The following SLC44A2 variants were observed in gnomAD, a reference collection of about 807,000 sequenced individuals.
SLC44A2 encodes choline transporter-like protein 2.
In SLC44A2, 57 loss-of-function variants were observed where a neutral mutation model predicts 90.8. The observed-to-expected ratio is 0.63, with a 90% confidence interval of 0.51 to 0.78. The LOEUF (loss-of-function observed/expected upper bound fraction) is 0.78, where lower values mean the gene tolerates loss of function less well. Ranked by LOEUF, SLC44A2 falls within the 30% of genes least tolerant of loss-of-function variation. The pLI is 0.00. For synonymous variants in SLC44A2, 355 were observed against 360.7 expected, an observed-to-expected ratio of 0.98 and a Z score of 0.18; for missense variants, 794 against 919.7, an observed-to-expected ratio of 0.86 and a Z score of 1.77.
rs762552237 is a variant in SLC44A2 at position 10,636,422 on chromosome 19, C to T, written c.1333C>T (p.Leu445=). The T allele has an allele frequency of 3.1e-6, 5 of 1,613,996 alleles. No individual in the cohort carries two copies. The highest frequency in any genetic ancestry group is 4.2e-6 in the Non-Finnish European group (5 of 1,180,048). ...GGGCTACCACCGGGCCCTGCTGGGCCTGCAGATCTTCAATGCCTTCATGTT... is the reference window on the plus strand; with the variant it reads ...GGGCTACCACCGGGCCCTGCTGGGCTTGCAGATCTTCAATGCCTTCATGTT... ...ESGYHRALLG[L]QIFNAFMFFW... is the part of the protein sequence containing the mutation. The change falls in exon 15 of 22, where the codon CTG becomes TTG. Residue 445 remains leucine, a synonymous_variant. Transcript: ENST00000335757.
At chr19:10,642,576 C>G in intron 21 of SLC44A2, 125 bp downstream of exon 21, 1 of 930,496 alleles carries the variant, frequency 1.1e-6, no homozygotes, top group Non-Finnish European at 1.7e-6. Context: ...TTGGCTGTCC[C>G]TCGTCCTGGG....
At chr19:10,641,392 T>C (rs754384115) in intron 20 of SLC44A2, 1 of 434,736 alleles carries the variant, frequency 2.3e-6, no homozygotes, top group Admixed American at 2.6e-5. Context: ...AGACCCTGTC[T>C]CAAAAAAAAA....
At chr19:10,611,999 C>G (rs1185168620) in intron 1 of SLC44A2, among the ~76,000 whole-genome samples, 1 of 152,132 alleles carries the variant, frequency 6.6e-6, no homozygotes, top group Non-Finnish European at 1.5e-5. Flanking sequence ...TCAGAGGTAG[C>G]TCAGCCAAGA....
At chr19:10,625,477 G>C (rs953626142), upstream of SLC44A2, 5 of 1,218,028 alleles carry the variant, frequency 4.1e-6, no homozygotes, top group Admixed American at 8.6e-5. Context: ...CAGCTGCCCA[G>C]CTCGGGCCGG....
chr19:10,626,421 T>G, intron 2 of SLC44A2, 120 bp downstream of exon 2: 1 of 808,462 alleles, frequency 1.2e-6, no homozygotes. Flanking sequence ...ACTTTTTTTT[T>G]TTTTTGAGAT....
At chr19:10,614,991 A>G (rs966023128) in intron 1 of SLC44A2, among the ~76,000 whole-genome samples, 1 of 150,094 alleles carries the variant, frequency 6.7e-6, no homozygotes, top group African/African-American at 2.4e-5. Context: ...AAAAAAAAGA[A>G]GAAGAAAAGA....
In SLC44A2 at chr19:10,618,474, CTTTTT is replaced by C. The variant is rs3029799; in HGVS notation, c.32-7760_32-7756del. On this transcript the variant is annotated intron_variant, in intron 1 of 21. Transcript: ENST00000407327. Reference sequence around the variant, plus strand: ...ACAGGTGTAAGCCACTGCGCCCGGCCTTTTTTTTTTTTTTTTTTTTTTTGAGACGG... The same window carrying C: ...ACAGGTGTAAGCCACTGCGCCCGGCCTTTTTTTTTTTTTTTTTTGAGACGG... Among the ~76,000 whole-genome samples the C allele has an allele frequency of 5.5e-3, 482 of 87,302 alleles. 3 individuals are homozygous for C. The highest frequency in any genetic ancestry group is 0.011 in the Middle Eastern group (1 of 90). The allele number at this position is 87,302 out of a possible 152,430, so 57.3% of individuals were successfully genotyped here.
chr19:10,607,285 C>T (rs775678018), intron 1 of SLC44A2, among the ~76,000 whole-genome samples: 2 of 152,082 alleles, frequency 1.3e-5, no homozygotes, highest in South Asian at 2.1e-4. Context: ...AAAGATGTTA[C>T]GGCTTTGAGA....
chr19:10,625,804 A>G, intron 1 of SLC44A2, 134 bp downstream of exon 1: 1 of 772,906 alleles, frequency 1.3e-6, no homozygotes, highest in Non-Finnish European at 1.8e-6. Flanking sequence ...GAGCCTCCCC[A>G]CCATCAGCCA....
At chr19:10,625,311 C>T, upstream of SLC44A2, 1 of 409,988 alleles carries the variant, frequency 2.4e-6, no homozygotes. Flanking sequence ...TCAGGGTGGC[C>T]AGGGGTTCTA....
chr19:10,636,736 A>G lies in SLC44A2; in HGVS notation c.1571A>G (p.Tyr524Cys). ...CAGATCATCCGTGTGATACTCGAGT[A>G]CCTGGATCAGCGGCTGAAAGGTACG... ...IVQIIRVILE[Y>C]LDQRLKAAEN... Residue 524 changes from tyrosine to cysteine, a missense_variant, in exon 16 of 22, where the codon TAC becomes TGC. By Grantham distance (194) the Tyr-to-Cys change is radical. Coordinates refer to ENST00000335757, the MANE Select transcript of SLC44A2 (RefSeq NM_020428.4). The G allele has an allele frequency of 1.2e-6, 2 of 1,613,906 alleles. No homozygotes were observed. The highest frequency in any genetic ancestry group is 1.7e-6 in the Non-Finnish European group (2 of 1,179,900).
At chr19:10,624,252 T>C (rs2066912776), upstream of SLC44A2, among the ~76,000 whole-genome samples, 1 of 152,126 alleles carries the variant, frequency 6.6e-6, no homozygotes, top group Non-Finnish European at 1.5e-5. Flanking sequence ...CACCTCGGCC[T>C]CCCAAAGTGC....
intron 1 of SLC44A2, among the ~76,000 whole-genome samples, chr19:10,612,270 T>C (rs79983015): frequency 2.7e-5 from 4 of 150,672 alleles, no homozygotes; most frequent in Non-Finnish European, 5.9e-5. Context: ...CACTAGGGAG[T>C]CTGAGGCGGG....
At chr19:10,602,956 T>A (rs1034544184) in intron 1 of SLC44A2, among the ~76,000 whole-genome samples, 7 of 152,128 alleles carry the variant, frequency 4.6e-5, no homozygotes, top group African/African-American at 1.7e-4. Context: ...CCTCCTTCCC[T>A]TTTCCGCCAG....
chr19:10,609,835 C>A (rs1007807124), intron 1 of SLC44A2, among the ~76,000 whole-genome samples: 1 of 152,026 alleles, frequency 6.6e-6, no homozygotes, highest in Non-Finnish European at 1.5e-5. Context: ...GAGACAGAAT[C>A]TGTCTCTGTT....
intron 20 of SLC44A2, 113 bp from the exon 21 acceptor site, chr19:10,642,254 A>G (rs1052677514): frequency 1.2e-6 from 1 of 847,710 alleles, no homozygotes; most frequent in East Asian, 2.6e-5. Context: ...CACTAATCCA[A>G]AGAGGGTTTC....
At chr19:10,640,119 C>T (rs1252650469) in intron 20 of SLC44A2, among the ~76,000 whole-genome samples, 1 of 115,612 alleles carries the variant, frequency 8.6e-6, no homozygotes, top group Non-Finnish European at 1.6e-5. Flanking sequence ...GCGATAGAGC[C>T]TTGCTCTGTC....
rs79480754 is a variant in SLC44A2, at chr19:10,603,208, G to A, written c.31+647G>A. Among the ~76,000 whole-genome samples, 51 of 152,272 alleles carry A rather than the reference G, an allele frequency of 3.3e-4. 2 individuals carry two copies. The East Asian group carries it at 9.3e-3, about 28-fold the overall frequency. ...GGTGCTGGCGACTGGAACTTCCTCC[G>A]GCGAACCTCTTGGGGCGACCTCAGG... On this transcript the variant is annotated intron_variant, in intron 1 of 21. Coordinates refer to the SLC44A2 transcript ENST00000407327.
At chr19:10,642,321 T>C in intron 20 of SLC44A2, 46 bp from the exon 21 acceptor site, 1 of 1,556,106 alleles carries the variant, frequency 6.4e-7, no homozygotes, top group East Asian at 2.2e-5. Flanking sequence ...TGGGGGCTGC[T>C]CTGGGAAGGA....
Sources: gnomAD v4.1 joint callset for allele counts (sites outside exome capture counted in the v4.1 genomes callset) on GRCh38, gnomAD v4.1.1 for gene constraint, MANE v1.5 for transcripts, NCBI Gene and HGNC (gene_info 2026-07-23, HGNC 2026-07-21) for gene names.